ZRANB1: variants seen among roughly 807,000 people sequenced by gnomAD.
ZRANB1 encodes the protein ubiquitin thioesterase ZRANB1.
A neutral mutation model predicts 80.5 loss-of-function variants in ZRANB1; 16 were observed. The ratio of observed to expected loss-of-function variants is 0.20; its 90% CI spans 0.13 to 0.30. The LOEUF is 0.30. ZRANB1 is among the 10% of genes least tolerant of loss of function. The pLI, the probability that ZRANB1 is intolerant of heterozygous loss-of-function variation, is 1.00. For missense variants in ZRANB1, 576 were observed against 862.6 expected (o/e 0.67, Z 4.16); for synonymous variants, 291 against 293.1 (o/e 0.99, Z 0.07).
intron 1 of ZRANB1, among the ~76,000 whole-genome samples, chr10:124,960,672 T>C (rs1951725864): frequency 6.6e-6 from 1 of 152,032 alleles, no homozygotes; most frequent in Non-Finnish European, 1.5e-5. Flanking sequence ...TCTCCTGCCT[T>C]GGCCTCCCAA....
intron 1 of ZRANB1, among the ~76,000 whole-genome samples, chr10:124,956,869 T>G (rs1261312035): frequency 6.6e-6 from 1 of 152,220 alleles, no homozygotes; most frequent in East Asian, 1.9e-4. Flanking sequence ...ATTTTCCAGT[T>G]CTTTGCTGTA....
At chr10:124,924,709 T>C in the ZRANB1 span, among the ~76,000 whole-genome samples, 1 of 152,200 alleles carries the variant, frequency 6.6e-6, no homozygotes, top group Non-Finnish European at 1.5e-5. Flanking sequence ...ATCCATTCAT[T>C]GATTGATGGG....
At position 124,984,922 on chromosome 10, in the gene ZRANB1, G is replaced by A. The variant is rs771598478; in HGVS notation, c.2057G>A (p.Arg686His). 1.4e-5 allele frequency: 22 copies of A among 1,613,848 alleles called. No individual in the cohort carries two copies. In the East Asian group the frequency reaches 1.6e-4, roughly 11 times the overall value. ...VTQMVEKWLD[R>H]YRQIRPCTSL... is the part of the protein sequence containing the mutation. ...CAGATGGTAGAAAAATGGCTTGACC[G>A]CTACCGACAGATCCGGCCGTGTACA... Residue 686 changes from arginine (R) to histidine (H), a missense_variant, in exon 9 of 9, where the codon CGC becomes CAC. Around this residue, in one of 3 missense-constraint regions of ZRANB1, gnomAD observed 152 missense variants for 221.9 expected, o/e 0.69. Transcript: ENST00000359653.
chr10:124,931,946 C>G, the ZRANB1 span, among the ~76,000 whole-genome samples: 1 of 152,182 alleles, frequency 6.6e-6, no homozygotes, highest in Non-Finnish European at 1.5e-5. Flanking sequence ...TTTCACTGCT[C>G]TAAAACTCCT....
In ZRANB1 at chr10:124,986,200, A is replaced by ATT. The variant is rs1266397990; in HGVS notation, c.*1208_*1209insTT. On this transcript the variant is annotated 3_prime_UTR_variant, in exon 9 of 9. Coordinates refer to ENST00000359653, the MANE Select transcript of ZRANB1 (RefSeq NM_017580.3). ...GTAAAAATTTCAGACCTATCTCAGG[A>ATT]ACACAGAAATATTTGGTGTCCTGAT... 1 of 152,450 alleles carries ATT rather than the reference A, an allele frequency of 6.6e-6. No homozygotes were observed. Among genetic ancestry groups the ATT allele is most frequent in the Non-Finnish European group, 1.5e-5 (1 of 68,000 alleles). 9.4% of individuals were successfully genotyped at this position (152,450 alleles called of 1,614,324 possible). A position where few individuals can be genotyped will look rare whatever the true frequency, so the allele number is the denominator to read the frequency against.
rs192700478 is a variant in ZRANB1 at position 124,983,526 on chromosome 10, G to A, written c.1746G>A (p.Thr582=). ...AAAGTCCGATTGCTCTGGGTTATAC[G>A]AGGGGCCACTTCTCTGCTTTGGTTG... ...CWKSPIALGY[T]RGHFSALVAM... The change falls in exon 8 of 9, where the codon ACG becomes ACA. Residue 582 remains threonine, a synonymous_variant. Transcript: ENST00000359653. The surrounding 1 kb of genome is among the most constrained non-coding windows in gnomAD (Gnocchi z 6.2). 15 of 1,614,120 alleles carry A rather than the reference G, an allele frequency of 9.3e-6. No individual in the cohort carries two copies. Among genetic ancestry groups the A allele is most frequent in the East Asian group, 6.7e-5 (3 of 44,882 alleles).
chr10:124,987,049 A>AGAT lies in ZRANB1; in HGVS notation c.*2059_*2061dup, dbSNP rs797010066. 11 of 152,756 alleles carry AGAT rather than the reference A, an allele frequency of 7.2e-5. No homozygotes were observed. The highest frequency in any genetic ancestry group is 2.4e-4 in the African/African-American group (10 of 41,574). The allele number at this position is 152,756 out of a possible 1,614,324, so 9.5% of individuals were successfully genotyped here. On this transcript the variant is annotated 3_prime_UTR_variant, in exon 9 of 9. Transcript: ENST00000359653. The stretch of plus-strand genomic sequence containing the variant: ...ATTCTTCCCTGTGGGAAAGAATTAA[A>AGAT]GATGGTTCCATTTCCTAGGCTACAG...
chr10:124,983,871 ATCAAGGAAC>A lies in ZRANB1; in HGVS notation c.1908+185_1908+193del, dbSNP rs1257673130. ...TTTCAAAACTGCTGTATGGGGACAC[ATCAAGGAAC>A]TTAAGGTGGTGATGGGTTTTAAGAA... On this transcript the variant is annotated intron_variant, in intron 8 of 8. Coordinates refer to ENST00000359653, the MANE Select transcript of ZRANB1 (RefSeq NM_017580.3). The surrounding 1 kb of genome is among the most constrained non-coding windows in gnomAD (Gnocchi z 6.2). Among the ~76,000 whole-genome samples the A allele has an allele frequency of 6.6e-6, 1 of 152,230 alleles. No individual in the cohort carries two copies. The highest frequency in any genetic ancestry group is 6.5e-5 in the Admixed American group (1 of 15,280).
the ZRANB1 span, among the ~76,000 whole-genome samples, chr10:124,919,953 T>C: frequency 8.8e-6 from 1 of 113,756 alleles, no homozygotes; most frequent in African/African-American, 3.4e-5. Flanking sequence ...GTCTCATCAC[T>C]GTGTTGCCCA....
the ZRANB1 span, among the ~76,000 whole-genome samples, chr10:124,936,474 A>T: frequency 6.6e-6 from 1 of 152,176 alleles, no homozygotes; most frequent in African/African-American, 2.4e-5. Context: ...AGAAGTCAAG[A>T]TAGGAGTTTG....
the ZRANB1 span, among the ~76,000 whole-genome samples, chr10:124,927,866 A>G: frequency 1.3e-5 from 2 of 152,064 alleles, no homozygotes; most frequent in African/African-American, 4.8e-5. Flanking sequence ...GCGAAACCCC[A>G]TCTCTACCAA....
At chr10:124,960,000 TGAG>T (rs1471873474) in intron 1 of ZRANB1, among the ~76,000 whole-genome samples, 2 of 152,180 alleles carry the variant, frequency 1.3e-5, no homozygotes, top group African/African-American at 4.8e-5. Flanking sequence ...TGGGCTGAGA[TGAG>T]GAGGAGTTTA....
intron 1 of ZRANB1, among the ~76,000 whole-genome samples, chr10:124,959,042 A>G (rs1951709163): frequency 6.6e-6 from 1 of 152,104 alleles, no homozygotes; most frequent in African/African-American, 2.4e-5. Flanking sequence ...GCATTCAGGT[A>G]CTCCCTGAGT....
intron 1 of ZRANB1, among the ~76,000 whole-genome samples, chr10:124,955,125 A>T (rs1951678401): frequency 6.6e-6 from 1 of 151,906 alleles, no homozygotes; most frequent in Admixed American, 6.6e-5. Context: ...ACTCTGTCTC[A>T]AAAAAACAAA....
At chr10:124,928,478 A>G in the ZRANB1 span, among the ~76,000 whole-genome samples, 2 of 152,212 alleles carry the variant, frequency 1.3e-5, no homozygotes, top group Non-Finnish European at 2.9e-5. Context: ...TATTTGTGGT[A>G]TATATTAGAA....
Position 124,984,806 on chromosome 10 carries a change from C to T in ZRANB1, c.1941C>T (p.Leu647=), listed in dbSNP as rs766952913. The T allele has an allele frequency of 1.1e-5, 17 of 1,613,872 alleles. No individual in the cohort carries two copies. Among genetic ancestry groups the T allele is most frequent in the South Asian group, 2.2e-5 (2 of 91,052 alleles). The change falls in exon 9 of 9, where the codon CTC becomes CTT. Residue 647 remains leucine (L), a synonymous_variant. Coordinates refer to ENST00000359653, the MANE Select transcript of ZRANB1 (RefSeq NM_017580.3). The part of the protein sequence containing the change: ...LGNEEQQEKL[L]REWLDCCVTE... ...ATGAGGAACAGCAAGAAAAACTGCT[C>T]AGGGAGTGGCTGGACTGCTGTGTGA...
chr10:124,944,638 A>G (rs944092164), intron 1 of ZRANB1, among the ~76,000 whole-genome samples: 2 of 151,772 alleles, frequency 1.3e-5, no homozygotes, highest in African/African-American at 2.4e-5. Flanking sequence ...ATTAGCATGT[A>G]CCACTATGCC....
chr10:124,968,630 A>G (rs574359093), intron 2 of ZRANB1, among the ~76,000 whole-genome samples: 14 of 152,250 alleles, frequency 9.2e-5, no homozygotes, highest in African/African-American at 3.4e-4. Context: ...TGTGTTGTCT[A>G]TTGTATATTG....
upstream of ZRANB1, among the ~76,000 whole-genome samples, chr10:124,938,860 C>A (rs1951510748): frequency 6.6e-6 from 1 of 152,094 alleles, no homozygotes; most frequent in African/African-American, 2.4e-5. Flanking sequence ...GCACAGGCGA[C>A]TGCACCTGGC....
Sources: allele counts gnomAD v4.1 joint callset (sites outside exome capture counted in the v4.1 genomes callset), GRCh38; gene constraint gnomAD v4.1.1; regional missense constraint gnomAD v4.1.1; non-coding constraint Gnocchi (gnomAD v3.1); transcripts MANE v1.5; gene names NCBI Gene and HGNC (gene_info 2026-07-23, HGNC 2026-07-21).